Variants in L3MBTL4 observed in about 807,000 individuals in gnomAD.
L3MBTL4 encodes the protein L3MBTL histone methyl-lysine binding protein 4.
A neutral mutation model predicts 84.5 loss-of-function variants in L3MBTL4; 70 were observed. The observed-to-expected ratio is 0.83, with a 90% confidence interval of 0.68 to 1.01. The LOEUF (loss-of-function observed/expected upper bound fraction) is 1.01. L3MBTL4 is among the 50% of genes least tolerant of loss of function. L3MBTL4 has a pLI of 0.00. For synonymous variants in L3MBTL4, 274 were observed against 259.8 expected, an observed-to-expected ratio of 1.05 and a Z score of -0.52; for missense variants, 715 against 754.8, an observed-to-expected ratio of 0.95 and a Z score of 0.62.
chr18:6,303,971 G>A (rs929426501), intron 3 of L3MBTL4, among the ~76,000 whole-genome samples: 6 of 145,308 alleles, frequency 4.1e-5, no homozygotes, highest in Admixed American at 7.0e-5. Flanking sequence ...CTGAGATCAC[G>A]CCGTTGCACT....
intron 5 of L3MBTL4, among the ~76,000 whole-genome samples, chr18:6,246,437 A>G (rs549879400): frequency 6.6e-6 from 1 of 152,308 alleles, no homozygotes; most frequent in African/African-American, 2.4e-5. Flanking sequence ...GAACAGATTC[A>G]CCATTACTAG....
intron 14 of L3MBTL4, among the ~76,000 whole-genome samples, chr18:6,111,248 T>C (rs2059187400): frequency 6.6e-6 from 1 of 152,182 alleles, no homozygotes; most frequent in Admixed American, 6.5e-5. Context: ...GAGAGTGTTC[T>C]AAAATCGTGG....
At chr18:6,333,854 C>G (rs1015909682) in intron 1 of L3MBTL4, among the ~76,000 whole-genome samples, 1 of 152,106 alleles carries the variant, frequency 6.6e-6, no homozygotes, top group Non-Finnish European at 1.5e-5. Context: ...TATTAATATG[C>G]CAATAAGTGC....
intron 1 of L3MBTL4, among the ~76,000 whole-genome samples, chr18:6,410,090 G>T (rs1202577601): frequency 6.6e-6 from 1 of 152,062 alleles, no homozygotes; most frequent in Non-Finnish European, 1.5e-5. Context: ...GTCTAAATAA[G>T]CTGCACAGTC....
intron 1 of L3MBTL4, among the ~76,000 whole-genome samples, chr18:6,331,139 G>A (rs965190247): frequency 3.9e-5 from 6 of 152,146 alleles, no homozygotes; most frequent in Non-Finnish European, 5.9e-5. Context: ...TAGGGGCTTT[G>A]CTTTTTATTC....
chr18:6,113,680 C>T (rs2059267524), intron 14 of L3MBTL4, among the ~76,000 whole-genome samples: 1 of 152,160 alleles, frequency 6.6e-6, no homozygotes, highest in African/African-American at 2.4e-5. Flanking sequence ...TTCAAGATCA[C>T]TAACCTGCTA....
At chr18:5,996,221 G>A (rs2053957389) in intron 16 of L3MBTL4, among the ~76,000 whole-genome samples, 1 of 152,144 alleles carries the variant, frequency 6.6e-6, no homozygotes, top group Non-Finnish European at 1.5e-5. Context: ...TGGAACAGTG[G>A]TTGGCCAAAG....
intron 16 of L3MBTL4, among the ~76,000 whole-genome samples, chr18:6,065,336 T>G (rs1425449986): frequency 6.6e-6 from 1 of 152,000 alleles, no homozygotes; most frequent in Non-Finnish European, 1.5e-5. Flanking sequence ...CCTTTCCTGG[T>G]TTCGGTATTA....
chr18:6,335,934 C>T (rs991876180), intron 1 of L3MBTL4, among the ~76,000 whole-genome samples: 12 of 152,132 alleles, frequency 7.9e-5, no homozygotes, highest in Admixed American at 2.0e-4. Context: ...AGTGTGAAAA[C>T]GGACTAATAC....
In L3MBTL4 at chr18:6,396,962, C is replaced by G. The variant is rs533980039; in HGVS notation, c.-91+17839G>C. 3 of 152,270 alleles carry G rather than the reference C, an allele frequency of 2.0e-5. No homozygotes were observed. The East Asian group carries it at 5.8e-4, about 29-fold the overall frequency. 9.4% of individuals were successfully genotyped at this position (152,270 alleles called of 1,614,324 possible). On this transcript the variant is annotated intron_variant, in intron 1 of 18. Coordinates refer to ENST00000317931, the MANE Select transcript of L3MBTL4 (RefSeq NM_001330559.2). Reference sequence around the variant, plus strand: ...AGGACTTTTTTAATGTTTCTTTATTCAGTCAAACAAGTAAACGTTTTAAGT... The same window carrying G: ...AGGACTTTTTTAATGTTTCTTTATTGAGTCAAACAAGTAAACGTTTTAAGT...
At chr18:6,087,478 G>C (rs1568096092) in intron 15 of L3MBTL4, among the ~76,000 whole-genome samples, 1 of 152,146 alleles carries the variant, frequency 6.6e-6, no homozygotes, top group Non-Finnish European at 1.5e-5. Flanking sequence ...TGCCTGGCTA[G>C]TGGCTCCTCA....
At chr18:5,974,782 C>T (rs141449426) in intron 16 of L3MBTL4, among the ~76,000 whole-genome samples, 21 of 152,156 alleles carry the variant, frequency 1.4e-4, no homozygotes, top group African/African-American at 3.4e-4. Flanking sequence ...CTTGACAACA[C>T]GGTGAGACCC....
intron 16 of L3MBTL4, among the ~76,000 whole-genome samples, chr18:5,977,272 C>A (rs531826061): frequency 6.6e-6 from 1 of 152,344 alleles, no homozygotes; most frequent in East Asian, 1.9e-4. Context: ...TTCCTCCAGG[C>A]AGGCCTCCGT....
At chr18:6,005,187 T>C (rs1305385374) in intron 16 of L3MBTL4, among the ~76,000 whole-genome samples, 3 of 151,342 alleles carry the variant, frequency 2.0e-5, no homozygotes, top group African/African-American at 7.3e-5. Context: ...CTACTAAAAA[T>C]ACAAAAATTA....
At chr18:6,009,369 G>C (rs1052762393) in intron 16 of L3MBTL4, among the ~76,000 whole-genome samples, 77 of 152,296 alleles carry the variant, frequency 5.1e-4, no homozygotes, top group African/African-American at 1.8e-3. Context: ...CTGAGGGTCT[G>C]GGTCCAGGCT....
chr18:6,294,140 T>C (rs1463234524), intron 4 of L3MBTL4, among the ~76,000 whole-genome samples: 4 of 152,150 alleles, frequency 2.6e-5, no homozygotes, highest in African/African-American at 9.7e-5. Context: ...AGGTATCGGA[T>C]TGACAACTTA....
At chr18:6,278,856 C>T (rs1013560691) in intron 4 of L3MBTL4, among the ~76,000 whole-genome samples, 2 of 150,200 alleles carry the variant, frequency 1.3e-5, no homozygotes, top group African/African-American at 2.5e-5. Context: ...TTCTTTCTCG[C>T]TTTTACTTAA....
chr18:6,213,475 C>T (rs1351910671), intron 11 of L3MBTL4, among the ~76,000 whole-genome samples: 1 of 152,124 alleles, frequency 6.6e-6, no homozygotes, highest in Non-Finnish European at 1.5e-5. Context: ...TGCAATGGTA[C>T]GATCTCAGCT....
rs140404276 is a variant in L3MBTL4, at chr18:6,157,733, A to T, written c.1096+14095T>A. On this transcript the variant is annotated intron_variant, in intron 13 of 18. Transcript: ENST00000317931. ...AATATAAATTACAAAGGATATATAT[A>T]TTTTAGTTTGTATTATTACTCTATT... Among the ~76,000 whole-genome samples, 497 of 152,338 alleles carry T rather than the reference A, an allele frequency of 3.3e-3. 2 individuals are homozygous for T. The highest frequency in any genetic ancestry group is 0.011 in the African/African-American group (460 of 41,568).
Sources: allele counts gnomAD v4.1 joint callset (sites outside exome capture counted in the v4.1 genomes callset), GRCh38; gene constraint gnomAD v4.1.1; transcripts MANE v1.5; gene names NCBI Gene and HGNC (gene_info 2026-07-23, HGNC 2026-07-21).